The following NTRK3 variants were observed in gnomAD, a reference collection of about 807,000 sequenced individuals.
The protein encoded by NTRK3 is NT-3 growth factor receptor.
In NTRK3, 24 loss-of-function variants were observed where a neutral mutation model predicts 91.7. That is an observed-to-expected ratio of 0.26 (90% CI 0.19 to 0.37). NTRK3 has a LOEUF of 0.37. Among genes scored for constraint, NTRK3 ranks in the 10% least tolerant of loss-of-function variants. NTRK3 has a pLI of 1.00. For missense variants in NTRK3, 880 were observed against 1,068.9 expected (o/e 0.82, Z 2.46); for synonymous variants, 483 against 404.0 (o/e 1.20, Z -2.34).
Position 88,233,647 on chromosome 15 carries a change from T to C in NTRK3, c.248+22259A>G, listed in dbSNP as rs1003894228. Among the ~76,000 whole-genome samples, 1 of 151,768 alleles carries C rather than the reference T, an allele frequency of 6.6e-6. No homozygotes were observed. Among genetic ancestry groups the C allele is most frequent in the Non-Finnish European group, 1.5e-5 (1 of 67,938 alleles). Reference sequence around the variant, plus strand: ...CCTTCCACAAAAACCAAATGCAGGGTCTTGGTTTCTTTTGCCTGGAGAGGT... The same window carrying C: ...CCTTCCACAAAAACCAAATGCAGGGCCTTGGTTTCTTTTGCCTGGAGAGGT... On this transcript the variant is annotated intron_variant, in intron 3 of 18. Coordinates refer to ENST00000394480, the Ensembl canonical transcript of NTRK3. This position sits in a 1 kb window ranked among gnomAD's most constrained non-coding sequence, Gnocchi z 4.2.
intron 10 of NTRK3, among the ~76,000 whole-genome samples, chr15:88,130,575 C>T (rs1039359871): frequency 2.0e-5 from 3 of 152,018 alleles, no homozygotes; most frequent in Non-Finnish European, 2.9e-5. Context: ...CACGCGCCCC[C>T]GAAACGATGC....
rs143058345 is a variant in NTRK3, at chr15:87,985,595, G to C, written c.1586-44842C>G. 1.7e-3 allele frequency among the ~76,000 whole-genome samples: 261 copies of C among 152,264 alleles called. 1 individual carries two copies. The highest frequency in any genetic ancestry group is 6.0e-3 in the African/African-American group (251 of 41,548). On this transcript the variant is annotated intron_variant, in intron 14 of 18. Coordinates refer to ENST00000394480, the Ensembl canonical transcript of NTRK3. The stretch of plus-strand genomic sequence containing the variant: ...TGCTGGGAAAATGAGTGACGAGATT[G>C]TCCTGGCCCGCATGCCACGGTTGCC...
At chr15:88,169,541 T>A (rs564053985) in intron 5 of NTRK3, among the ~76,000 whole-genome samples, 6 of 152,282 alleles carry the variant, frequency 3.9e-5, no homozygotes, top group Non-Finnish European at 7.4e-5. Context: ...TCTGCTCTAA[T>A]ATGAATCACT....
intron 14 of NTRK3, among the ~76,000 whole-genome samples, chr15:88,029,628 A>AC (rs954876860): frequency 6.6e-6 from 1 of 152,008 alleles, no homozygotes; most frequent in Admixed American, 6.5e-5. Context: ...GAATGAGGAG[A>AC]CCCCCTGGGG....
intron 5 of NTRK3, among the ~76,000 whole-genome samples, chr15:88,170,159 G>A (rs2045370589): frequency 6.6e-6 from 1 of 152,138 alleles, no homozygotes; most frequent in Non-Finnish European, 1.5e-5. Context: ...AGCCCCACAG[G>A]ACCCCAAGGG....
intron 13 of NTRK3, among the ~76,000 whole-genome samples, chr15:88,063,349 C>G (rs1461498061): frequency 6.6e-6 from 1 of 152,218 alleles, no homozygotes; most frequent in African/African-American, 2.4e-5. Flanking sequence ...TCTAAACTGT[C>G]CTGTTCTCTC....
chr15:87,962,736 C>G (rs777935125), intron 14 of NTRK3, among the ~76,000 whole-genome samples: 8 of 152,164 alleles, frequency 5.3e-5, no homozygotes, highest in African/African-American at 1.2e-4. Context: ...CGATGTGTTC[C>G]AAGGACGCCG....
At chr15:88,071,498 T>C (rs547019843) in intron 13 of NTRK3, among the ~76,000 whole-genome samples, 1 of 152,356 alleles carries the variant, frequency 6.6e-6, no homozygotes, top group South Asian at 2.1e-4. Context: ...CCTTTATCTC[T>C]GAACAGCTAC....
At chr15:88,051,216 A>T (rs575516963) in intron 13 of NTRK3, among the ~76,000 whole-genome samples, 1 of 152,038 alleles carries the variant, frequency 6.6e-6, no homozygotes, top group African/African-American at 2.4e-5. Context: ...CCGACAACCC[A>T]CCTGCCCAAC....
chr15:87,956,501 T>A (rs1029062281), intron 14 of NTRK3, among the ~76,000 whole-genome samples: 4 of 152,172 alleles, frequency 2.6e-5, no homozygotes, highest in African/African-American at 9.7e-5. Context: ...CTCAAACTCC[T>A]GACCTCAGGT....
rs955777037 is a variant in NTRK3 at position 88,241,505 on chromosome 15, T to C, written c.248+14401A>G. 2.6e-5 allele frequency among the ~76,000 whole-genome samples: 4 copies of C among 152,108 alleles called. No individual in the cohort carries two copies. The East Asian group carries it at 7.7e-4, about 29-fold the overall frequency. On this transcript the variant is annotated intron_variant, in intron 3 of 18. Transcript: ENST00000394480. The surrounding 1 kb of genome is among the most constrained non-coding windows in gnomAD (Gnocchi z 4.3). ...CATGAGGTCACTCTCCTGCCACTTC[T>C]GCTTCCCCAGGGCCCAGGGAGCTGC... is the stretch of plus-strand genomic sequence containing the variant.
At chr15:88,153,823 G>A (rs1285922262) in intron 5 of NTRK3, among the ~76,000 whole-genome samples, 2 of 152,020 alleles carry the variant, frequency 1.3e-5, no homozygotes, top group Admixed American at 1.3e-4. Context: ...TCTCATTCAT[G>A]AGGGCTCTGC....
intron 13 of NTRK3, among the ~76,000 whole-genome samples, chr15:88,106,661 G>A (rs1167623494): frequency 6.6e-6 from 1 of 152,158 alleles, no homozygotes; most frequent in African/African-American, 2.4e-5. Context: ...GGCCAGGCAT[G>A]TGGCTCATGC....
intron 13 of NTRK3, among the ~76,000 whole-genome samples, chr15:88,098,064 T>A (rs2049803129): frequency 6.6e-6 from 1 of 152,352 alleles, no homozygotes; most frequent in South Asian, 2.1e-4. Flanking sequence ...GTTATAAAAA[T>A]CTATCTTTTC....
intron 3 of NTRK3, among the ~76,000 whole-genome samples, chr15:88,204,319 T>C (rs561388171): frequency 6.6e-6 from 1 of 152,154 alleles, no homozygotes; most frequent in Non-Finnish European, 1.5e-5. Context: ...CCCTATTACC[T>C]TCTAACTTGA....
intron 3 of NTRK3, among the ~76,000 whole-genome samples, chr15:88,254,795 C>A (rs953260194): frequency 6.6e-6 from 1 of 152,166 alleles, no homozygotes; most frequent in Non-Finnish European, 1.5e-5. Flanking sequence ...TGAGGGTCCC[C>A]AAGGGCTGGA....
At chr15:87,910,982 A>G (rs1042852490) in intron 17 of NTRK3, among the ~76,000 whole-genome samples, 2 of 152,222 alleles carry the variant, frequency 1.3e-5, no homozygotes, top group Non-Finnish European at 2.9e-5. Flanking sequence ...ACAGAAGATG[A>G]AAAGTACTTA....
intron 14 of NTRK3, among the ~76,000 whole-genome samples, chr15:87,946,570 TC>T (rs1286621476): frequency 6.6e-6 from 1 of 152,014 alleles, no homozygotes; most frequent in Non-Finnish European, 1.5e-5. Flanking sequence ...TCAGAAGCAG[TC>T]CCCTGCCACC....
chr15:87,986,867 A>G (rs1175004826), intron 14 of NTRK3, among the ~76,000 whole-genome samples: 4 of 152,258 alleles, frequency 2.6e-5, no homozygotes, highest in African/African-American at 9.6e-5. Flanking sequence ...TGCTACCACT[A>G]AACTCTGCCA....
Sources: gnomAD v4.1 joint callset for allele counts (sites outside exome capture counted in the v4.1 genomes callset) on GRCh38, gnomAD v4.1.1 for gene constraint, Gnocchi (gnomAD v3.1) non-coding constraint, MANE v1.5 for transcripts, NCBI Gene and HGNC (gene_info 2026-07-23, HGNC 2026-07-21) for gene names.